Variants in RNF144A observed in about 807,000 individuals in gnomAD.
RNF144A encodes the protein E3 ubiquitin-protein ligase RNF144A.
RNF144A carries 11 observed loss-of-function variants against 38.7 expected under a neutral mutation model. The observed-to-expected ratio is 0.28, with a 90% CI of 0.18 to 0.47. RNF144A has a LOEUF of 0.47. RNF144A is among the 20% of genes least tolerant of loss of function. The pLI, the probability that RNF144A is intolerant of heterozygous loss-of-function variation, is 0.99. For synonymous variants in RNF144A, 149 were observed against 143.9 expected (o/e 1.04, Z -0.25); for missense variants, 316 against 377.2 (o/e 0.84, Z 1.34).
chr2:6,923,238 G>A (rs903915545), intron 1 of RNF144A, among the ~76,000 whole-genome samples: 1 of 152,222 alleles, frequency 6.6e-6, no homozygotes, highest in African/African-American at 2.4e-5. Flanking sequence ...ATGTCTGCAT[G>A]AAGGGACTCT....
chr2:6,989,670 A>G (rs1488801532), intron 2 of RNF144A, among the ~76,000 whole-genome samples: 1 of 152,076 alleles, frequency 6.6e-6, no homozygotes, highest in African/African-American at 2.4e-5. Context: ...TACGTGCAGA[A>G]TGTCACATAT....
rs928498361 is a variant in RNF144A, at chr2:6,962,915, T to G, written c.-12+21768T>G. Among the ~76,000 whole-genome samples the G allele has an allele frequency of 6.6e-6, 1 of 152,148 alleles. No individual in the cohort carries two copies. Among genetic ancestry groups the G allele is most frequent in the Non-Finnish European group, 1.5e-5 (1 of 68,024 alleles). ...GTGGTCTTTGAACTGTGATTGATCG[T>G]TGAAGGGAGATGACAAGATCATTTT... On this transcript the variant is annotated intron_variant, in intron 2 of 8. Coordinates refer to ENST00000320892, the MANE Select transcript of RNF144A (RefSeq NM_014746.6). The surrounding 1 kb of genome is among the most constrained non-coding windows in gnomAD (Gnocchi z 4.1).
At chr2:6,964,063 GA>G (rs60966755) in intron 2 of RNF144A, among the ~76,000 whole-genome samples, 3 of 149,350 alleles carry the variant, frequency 2.0e-5, no homozygotes, top group Non-Finnish European at 3.0e-5. Context: ...AGCAGAGATG[GA>G]AAAAAAAACA....
downstream of RNF144A, among the ~76,000 whole-genome samples, chr2:7,070,932 GTTTTTTT>G (rs138072047): frequency 1.6e-5 from 2 of 123,040 alleles, no homozygotes; most frequent in African/African-American, 3.1e-5. Context: ...GCTTTGCTGA[GTTTTTTT>G]TTTTTTTTTT....
At position 6,982,076 on chromosome 2, in the gene RNF144A, G is replaced by C. The variant is rs1668667067; in HGVS notation, c.-11-14840G>C. ...CCTTACTATCACTGGAACAGCATGG[G>C]GGAAACTGCCCCCCATGATCCAGTC... On this transcript the variant is annotated intron_variant, in intron 2 of 8. Transcript: ENST00000320892. 4.6e-5 allele frequency among the ~76,000 whole-genome samples: 7 copies of C among 152,218 alleles called. No homozygotes were observed. The South Asian group carries it at 1.5e-3, about 32-fold the overall frequency.
At chr2:6,932,593 G>A (rs533330190) in intron 1 of RNF144A, among the ~76,000 whole-genome samples, 1 of 152,012 alleles carries the variant, frequency 6.6e-6, no homozygotes, top group Admixed American at 6.6e-5. Flanking sequence ...TTTTCCTGTG[G>A]TAATGCCTCT....
downstream of RNF144A, among the ~76,000 whole-genome samples, chr2:7,047,515 C>G (rs1311016518): frequency 6.6e-6 from 1 of 152,198 alleles, no homozygotes; most frequent in East Asian, 1.9e-4. Flanking sequence ...GAGACTTCTT[C>G]ACTATCACGA....
Position 6,932,773 on chromosome 2 carries a change from T to G in RNF144A, c.-211-8175T>G, listed in dbSNP as rs771298. Among the ~76,000 whole-genome samples, 691 of 152,334 alleles carry G rather than the reference T, an allele frequency of 4.5e-3. 7 individuals are homozygous for G. Among genetic ancestry groups the G allele is most frequent in the African/African-American group, 0.016 (663 of 41,574 alleles). On this transcript the variant is annotated intron_variant, in intron 1 of 8. Coordinates refer to ENST00000320892, the MANE Select transcript of RNF144A (RefSeq NM_014746.6). ...AATGCCTTTTATCACAATAAGAGAA[T>G]TTTAAACAATACTCAATCAATTGAT...
chr2:7,031,148 C>G (rs1026394405), intron 8 of RNF144A, among the ~76,000 whole-genome samples: 5 of 152,138 alleles, frequency 3.3e-5, no homozygotes, highest in African/African-American at 1.2e-4. Flanking sequence ...GGCTACAGAC[C>G]GCTACCCGTC....
chr2:7,069,416 A>G (rs1487342509), downstream of RNF144A, among the ~76,000 whole-genome samples: 1 of 152,200 alleles, frequency 6.6e-6, no homozygotes, highest in Non-Finnish European at 1.5e-5. Flanking sequence ...TTTTCTCATA[A>G]CATCATTCCA....
At chr2:7,049,201 C>T (rs957968562) in intron 6 of RNF144A, among the ~76,000 whole-genome samples, 8 of 152,120 alleles carry the variant, frequency 5.3e-5, no homozygotes, top group African/African-American at 1.9e-4. Context: ...GGCTGGCCTT[C>T]CAGGCAGAGG....
At chr2:6,947,634 A>G (rs1666422984) in intron 2 of RNF144A, among the ~76,000 whole-genome samples, 1 of 152,228 alleles carries the variant, frequency 6.6e-6, no homozygotes, top group Non-Finnish European at 1.5e-5. Context: ...AGTGATTTGT[A>G]GTTCTATTGA....
At chr2:6,919,385 C>T (rs1271998468) in intron 1 of RNF144A, among the ~76,000 whole-genome samples, 3 of 152,170 alleles carry the variant, frequency 2.0e-5, no homozygotes, top group Non-Finnish European at 4.4e-5. Flanking sequence ...TTGCACTTTT[C>T]TAATGCCTTT....
intron 7 of RNF144A, 104 bp from the exon 8 acceptor site, chr2:7,030,022 C>A: frequency 1.2e-6 from 1 of 819,800 alleles, no homozygotes; most frequent in Non-Finnish European, 2.1e-6. Context: ...CTCATGTCTC[C>A]ACTTATCATG....
At chr2:6,998,746 G>T (rs747081207) in intron 3 of RNF144A, among the ~76,000 whole-genome samples, 5 of 152,214 alleles carry the variant, frequency 3.3e-5, no homozygotes, top group Non-Finnish European at 5.9e-5. Context: ...CGTGAATGGG[G>T]CTTATTGTCA....
Position 7,042,937 on chromosome 2 carries a change from G to A in RNF144A, c.*3177G>A, listed in dbSNP as rs1180477566. 21 of 830,918 alleles carry A rather than the reference G, an allele frequency of 2.5e-5. No homozygotes were observed. Among genetic ancestry groups the A allele is most frequent in the Non-Finnish European group, 3.0e-5 (21 of 689,766 alleles). 51.5% of individuals were successfully genotyped at this position (830,918 alleles called of 1,614,324 possible). On this transcript the variant is annotated 3_prime_UTR_variant, in exon 9 of 9. Coordinates refer to ENST00000320892, the MANE Select transcript of RNF144A (RefSeq NM_014746.6). ...AGCTGGAGTACAATGACAGGATCTCGGCTCACTGCAAGCTCTGCCTCCCGG... is the reference window on the plus strand; with the variant it reads ...AGCTGGAGTACAATGACAGGATCTCAGCTCACTGCAAGCTCTGCCTCCCGG...
At chr2:6,995,925 T>C (rs1669707998) in intron 2 of RNF144A, among the ~76,000 whole-genome samples, 1 of 152,182 alleles carries the variant, frequency 6.6e-6, no homozygotes, top group South Asian at 2.1e-4. Flanking sequence ...GGCCGACCCT[T>C]TATGTGATCT....
chr2:7,015,154 C>T (rs309324), intron 5 of RNF144A, among the ~76,000 whole-genome samples: 123,939 of 152,088 alleles, frequency 0.81, 50,625 homozygotes, highest in South Asian at 0.92. Flanking sequence ...GGAGGGAAGT[C>T]GTGAGGGTAG....
rs368237664 is a variant in RNF144A, at chr2:6,943,561, C to G, written c.-12+2414C>G. Among the ~76,000 whole-genome samples the G allele has an allele frequency of 2.0e-5, 3 of 152,222 alleles. No homozygotes were observed. In the South Asian group the frequency reaches 6.2e-4, roughly 32 times the overall value. ...TGTTTAGATGCTGATGGGAGTGATT[C>G]TGTAGAGAGTGAAATATTGATTGTG... On this transcript the variant is annotated intron_variant, in intron 2 of 8. Coordinates refer to ENST00000320892, the MANE Select transcript of RNF144A (RefSeq NM_014746.6). The surrounding 1 kb of genome is among the most constrained non-coding windows in gnomAD (Gnocchi z 4.3).
Sources: gnomAD v4.1 joint callset for allele counts (sites outside exome capture counted in the v4.1 genomes callset) on GRCh38, gnomAD v4.1.1 for gene constraint, Gnocchi (gnomAD v3.1) non-coding constraint, MANE v1.5 for transcripts, NCBI Gene and HGNC (gene_info 2026-07-23, HGNC 2026-07-21) for gene names.